CSGALNACT1: variants seen among roughly 807,000 people sequenced by gnomAD.
CSGALNACT1 encodes the protein beta4GalNAcT-1.
A neutral mutation model predicts 51.0 loss-of-function variants in CSGALNACT1; 52 were observed. That is an observed-to-expected ratio of 1.02 (90% CI 0.82 to 1.29). The LOEUF (loss-of-function observed/expected upper bound fraction) is 1.29. CSGALNACT1 is among the 50% of genes most tolerant of loss of function. CSGALNACT1 has a pLI of 0.00. For missense variants in CSGALNACT1, 935 were observed against 679.2 expected, an observed-to-expected ratio of 1.38 and a Z score of -4.19; for synonymous variants, 341 against 254.4, an observed-to-expected ratio of 1.34 and a Z score of -3.24.
chr8:19,416,109 CTTT>C (rs34491658), intron 8 of CSGALNACT1, among the ~76,000 whole-genome samples: 91 of 116,716 alleles, frequency 7.8e-4, no homozygotes, highest in African/African-American at 2.4e-3. Flanking sequence ...GAAATGAAAA[CTTT>C]TTTTTTTTTT....
At chr8:19,691,312 T>C (rs1164593095) in intron 1 of CSGALNACT1, among the ~76,000 whole-genome samples, 1 of 152,132 alleles carries the variant, frequency 6.6e-6, no homozygotes, top group Non-Finnish European at 1.5e-5. Flanking sequence ...CAAACACCGC[T>C]GAGCAGGGCT....
intron 4 of CSGALNACT1, among the ~76,000 whole-genome samples, chr8:19,499,116 A>G (rs2075989598): frequency 6.6e-6 from 1 of 152,200 alleles, no homozygotes; most frequent in African/African-American, 2.4e-5. Flanking sequence ...CCCTGTCTCA[A>G]AAACAAACAA....
intron 3 of CSGALNACT1, chr8:19,531,911 G>C (rs971721068): frequency 6.6e-6 from 1 of 152,192 alleles, no homozygotes; most frequent in African/African-American, 2.4e-5. Context: ...GGTTTCTCCT[G>C]CCTGCCCCTT....
chr8:19,418,887 C>A (rs866223179), intron 7 of CSGALNACT1, 137 bp from the exon 7 acceptor site: 4 of 705,264 alleles, frequency 5.7e-6, no homozygotes, highest in Non-Finnish European at 1.0e-5. Flanking sequence ...CTCACTGTCA[C>A]CCAGGCTGCA....
intron 1 of CSGALNACT1, among the ~76,000 whole-genome samples, chr8:19,639,809 C>T (rs990223334): frequency 2.6e-5 from 4 of 151,606 alleles, no homozygotes; most frequent in Admixed American, 6.6e-5. Flanking sequence ...GAATTTATAA[C>T]GATATATCCA....
chr8:19,753,140 T>A (rs943571998), intron 1 of CSGALNACT1, among the ~76,000 whole-genome samples: 1 of 152,180 alleles, frequency 6.6e-6, no homozygotes, highest in Non-Finnish European at 1.5e-5. Flanking sequence ...AGCTGGGGGT[T>A]TGAGGATAAG....
chr8:19,407,190 T>TTTG (rs201488751), intron 9 of CSGALNACT1, among the ~76,000 whole-genome samples: 3 of 152,158 alleles, frequency 2.0e-5, no homozygotes, highest in Admixed American at 1.3e-4. Flanking sequence ...CTTCAACATT[T>TTTG]TTTTTTTAAA....
At chr8:19,721,688 A>C (rs1175137124) in intron 1 of CSGALNACT1, among the ~76,000 whole-genome samples, 1 of 152,212 alleles carries the variant, frequency 6.6e-6, no homozygotes, top group Non-Finnish European at 1.5e-5. Flanking sequence ...TAAATTTGAA[A>C]AGACCGCCAA....
In CSGALNACT1 at chr8:19,535,439, T is replaced by A. The variant is rs114500443; in HGVS notation, c.-296-29309A>T. 5.6e-3 allele frequency among the ~76,000 whole-genome samples: 852 copies of A among 152,340 alleles called. 8 individuals carry two copies. Among genetic ancestry groups the A allele is most frequent in the African/African-American group, 0.019 (804 of 41,590 alleles). The stretch of plus-strand genomic sequence containing the variant: ...GATGACTATTTTAAAAGGATCTCTC[T>A]ATAAGGGGTGATTTACCAGTTGAAC... On this transcript the variant is annotated intron_variant, in intron 3 of 9. Coordinates refer to ENST00000454498, the Ensembl canonical transcript of CSGALNACT1.
intron 1 of CSGALNACT1, among the ~76,000 whole-genome samples, chr8:19,696,603 G>A (rs1051948464): frequency 2.6e-5 from 4 of 152,170 alleles, no homozygotes; most frequent in East Asian, 3.9e-4. Context: ...GTTTCAGACC[G>A]CAGCTTGCTA....
chr8:19,433,059 G>C (rs997135227), intron 6 of CSGALNACT1, among the ~76,000 whole-genome samples: 2 of 152,050 alleles, frequency 1.3e-5, no homozygotes, highest in African/African-American at 4.8e-5. Flanking sequence ...CTAGAAAGTA[G>C]AATCTCCTCC....
intron 3 of CSGALNACT1, among the ~76,000 whole-genome samples, chr8:19,583,514 G>T (rs972396958): frequency 4.6e-5 from 7 of 152,150 alleles, no homozygotes; most frequent in Non-Finnish European, 8.8e-5. Flanking sequence ...GGCATTAAAA[G>T]TACAGTCATT....
intron 3 of CSGALNACT1, among the ~76,000 whole-genome samples, chr8:19,567,268 G>C (rs1454950564): frequency 6.6e-6 from 1 of 152,192 alleles, no homozygotes; most frequent in Non-Finnish European, 1.5e-5. Context: ...GGGAGACTTA[G>C]GTGACTGTAA....
intron 8 of CSGALNACT1, among the ~76,000 whole-genome samples, chr8:19,411,296 C>A (rs1453029559): frequency 6.6e-6 from 1 of 152,176 alleles, no homozygotes; most frequent in Non-Finnish European, 1.5e-5. Flanking sequence ...TGAAATGATC[C>A]CGTTGATGCA....
chr8:19,636,587 AT>A, intron 1 of CSGALNACT1, among the ~76,000 whole-genome samples: 1 of 152,122 alleles, frequency 6.6e-6, no homozygotes. Flanking sequence ...AGGCATAATT[AT>A]TTTTCATACA....
chr8:19,704,632 C>A (rs947404643), intron 1 of CSGALNACT1, among the ~76,000 whole-genome samples: 1 of 152,136 alleles, frequency 6.6e-6, no homozygotes. Context: ...ATTTTCACTG[C>A]AGCATTATTC....
At chr8:19,497,568 G>A (rs755689943) in intron 4 of CSGALNACT1, among the ~76,000 whole-genome samples, 23 of 152,158 alleles carry the variant, frequency 1.5e-4, no homozygotes, top group Admixed American at 7.9e-4. Flanking sequence ...TATGTTAAAG[G>A]CTCTAATGGA....
chr8:19,406,784 C>T (rs573577315), intron 9 of CSGALNACT1, among the ~76,000 whole-genome samples: 3 of 152,318 alleles, frequency 2.0e-5, no homozygotes, highest in Admixed American at 6.5e-5. Flanking sequence ...TCTCGGCTCA[C>T]TGCAATCTCC....
intron 4 of CSGALNACT1, among the ~76,000 whole-genome samples, chr8:19,478,543 G>A (rs932324427): frequency 6.6e-6 from 1 of 151,410 alleles, no homozygotes; most frequent in East Asian, 2.0e-4. Flanking sequence ...AGGTTGCAAA[G>A]TATCACTTGA....
Sources: gnomAD v4.1 joint callset for allele counts (sites outside exome capture counted in the v4.1 genomes callset) on GRCh38, gnomAD v4.1.1 for gene constraint, MANE v1.5 for transcripts, NCBI Gene and HGNC (gene_info 2026-07-23, HGNC 2026-07-21) for gene names.